The following CDC42BPA variants were observed in gnomAD, a reference collection of about 807,000 sequenced individuals.
The protein encoded by CDC42BPA is serine/threonine-protein kinase MRCK alpha.
Under a neutral mutation model 223.5 loss-of-function variants are expected in CDC42BPA, and 80 were observed. The observed-to-expected ratio is 0.36, with a 90% confidence interval of 0.30 to 0.43. CDC42BPA has a LOEUF of 0.43. Ranked by LOEUF, CDC42BPA falls within the 20% of genes least tolerant of loss-of-function variation. The pLI is 1.00. For missense variants in CDC42BPA, 1,743 were observed against 2,099.9 expected, an observed-to-expected ratio of 0.83 and a Z score of 3.32; for synonymous variants, 694 against 718.6, an observed-to-expected ratio of 0.97 and a Z score of 0.55.
intron 24 of CDC42BPA, among the ~76,000 whole-genome samples, chr1:227,036,421 C>CTTTTTTTTTTTTTTTTTTTTTTTTTTT (rs56254464): frequency 1.4e-5 from 1 of 71,130 alleles, no homozygotes; most frequent in Non-Finnish European, 2.6e-5. Context: ...CTTCAATTCA[C>CTTTTTTTTTTTTTTTTTTTTTTTTTTT]TTTTTTTTTT....
intron 35 of CDC42BPA, among the ~76,000 whole-genome samples, chr1:226,999,427 C>G (rs1210567747): frequency 6.6e-6 from 1 of 152,156 alleles, no homozygotes; most frequent in Non-Finnish European, 1.5e-5. Flanking sequence ...CCACCCACCT[C>G]AGCCTCCCAA....
At chr1:227,279,448 A>G (rs150214765) in intron 1 of CDC42BPA, among the ~76,000 whole-genome samples, 2,749 of 152,190 alleles carry the variant, frequency 0.018, 40 homozygotes, top group Non-Finnish European at 0.026. Context: ...TTTATATCCT[A>G]AAGTTAAAAT....
intron 9 of CDC42BPA, among the ~76,000 whole-genome samples, chr1:227,141,533 A>G (rs1659665731): frequency 6.6e-6 from 1 of 152,178 alleles, no homozygotes. Flanking sequence ...TCTAACAGTA[A>G]GTAGGCGGTA....
intron 3 of CDC42BPA, among the ~76,000 whole-genome samples, chr1:227,209,950 A>G (rs1164438572): frequency 1.3e-5 from 2 of 149,508 alleles, no homozygotes; most frequent in Admixed American, 1.3e-4. Context: ...TCCTCCTTGT[A>G]CCTCTGGTAG....
intron 24 of CDC42BPA, among the ~76,000 whole-genome samples, chr1:227,037,733 A>G (rs895577907): frequency 2.6e-5 from 4 of 152,228 alleles, no homozygotes; most frequent in East Asian, 1.9e-4. Flanking sequence ...TCTTTTTCAT[A>G]AGATACATCA....
At chr1:227,068,779 T>C in intron 21 of CDC42BPA, 2 of 427,024 alleles carry the variant, frequency 4.7e-6, no homozygotes, top group South Asian at 3.3e-5. Context: ...TCAAAAACTT[T>C]GTAAAACAAT....
chr1:227,007,684 ACT>A (rs1664364025), intron 34 of CDC42BPA, among the ~76,000 whole-genome samples: 1 of 152,162 alleles, frequency 6.6e-6, no homozygotes, highest in Non-Finnish European at 1.5e-5. Context: ...AGAAAATATT[ACT>A]CTTTCTTCTA....
chr1:227,271,641 C>T (rs1055346885), intron 1 of CDC42BPA, among the ~76,000 whole-genome samples: 2 of 152,082 alleles, frequency 1.3e-5, no homozygotes, highest in African/African-American at 4.8e-5. Context: ...ACTGAATATA[C>T]TTGTATCTCT....
At chr1:227,081,349 T>C (rs889054970) in intron 16 of CDC42BPA, among the ~76,000 whole-genome samples, 4 of 152,088 alleles carry the variant, frequency 2.6e-5, no homozygotes, top group Admixed American at 6.6e-5. Flanking sequence ...TTCAAGCATA[T>C]ACAGAAAAGG....
chr1:227,249,869 G>A (rs1315817331), intron 2 of CDC42BPA, among the ~76,000 whole-genome samples: 4 of 151,868 alleles, frequency 2.6e-5, no homozygotes, highest in South Asian at 2.1e-4. Context: ...ACAGAATGAC[G>A]AAGACCTAGT....
chr1:227,197,847 C>A (rs1671005295), intron 4 of CDC42BPA, among the ~76,000 whole-genome samples: 1 of 152,020 alleles, frequency 6.6e-6, no homozygotes, highest in Non-Finnish European at 1.5e-5. Context: ...TTAATTTGTT[C>A]TTACAAATGT....
intron 14 of CDC42BPA, among the ~76,000 whole-genome samples, chr1:227,111,668 A>G (rs1303186561): frequency 6.6e-6 from 1 of 152,046 alleles, no homozygotes; most frequent in Non-Finnish European, 1.5e-5. Context: ...TTTTTAGTAG[A>G]GATGGGGTTT....
rs1390368909 is a variant in CDC42BPA at position 227,089,027 on chromosome 1, G to A, written c.2355+2859C>T. Among the ~76,000 whole-genome samples the A allele has an allele frequency of 4.6e-5, 7 of 151,910 alleles. No homozygotes were observed. The South Asian group carries it at 8.3e-4, about 18-fold the overall frequency. On this transcript the variant is annotated intron_variant, in intron 16 of 36. Coordinates refer to ENST00000366766, the MANE Select transcript of CDC42BPA (RefSeq NM_001394014.1). ...AGGTGTGAGCCACTGTGCCCAGCTG[G>A]CAATGAATTATCTTTTAATAGAAGG...
intron 2 of CDC42BPA, among the ~76,000 whole-genome samples, chr1:227,252,408 C>T (rs1219945964): frequency 6.6e-6 from 1 of 152,094 alleles, no homozygotes; most frequent in Non-Finnish European, 1.5e-5. Context: ...AAAACTTTTT[C>T]ACTAGCAACC....
chr1:227,025,985 T>A, intron 31 of CDC42BPA, 70 bp downstream of exon 31: 1 of 790,020 alleles, frequency 1.3e-6, no homozygotes. Context: ...AAAAAAAAAA[T>A]TACTATGTAG....
At chr1:227,126,990 G>C (rs1449136022) in intron 11 of CDC42BPA, among the ~76,000 whole-genome samples, 2 of 152,096 alleles carry the variant, frequency 1.3e-5, no homozygotes, top group Non-Finnish European at 2.9e-5. Context: ...CCACCTGCAG[G>C]TGACATGATT....
chr1:227,004,844 G>A, intron 35 of CDC42BPA, 150 bp downstream of exon 35: 1 of 763,788 alleles, frequency 1.3e-6, no homozygotes, highest in Non-Finnish European at 2.4e-6. Flanking sequence ...GTGCCTATTA[G>A]GCATTACCCA....
At chr1:227,092,256 G>A (rs1480059333) in intron 15 of CDC42BPA, among the ~76,000 whole-genome samples, 1 of 152,170 alleles carries the variant, frequency 6.6e-6, no homozygotes, top group Admixed American at 6.5e-5. Flanking sequence ...ATTGTTGCAG[G>A]TCTTGACAGC....
chr1:227,044,935 AG>A (rs1672123321), intron 23 of CDC42BPA, among the ~76,000 whole-genome samples: 1 of 152,172 alleles, frequency 6.6e-6, no homozygotes, highest in Non-Finnish European at 1.5e-5. Context: ...GACTCTTCTA[AG>A]GAACTGTAAA....
Sources: allele counts gnomAD v4.1 joint callset (sites outside exome capture counted in the v4.1 genomes callset), GRCh38; gene constraint gnomAD v4.1.1; transcripts MANE v1.5; gene names NCBI Gene and HGNC (gene_info 2026-07-23, HGNC 2026-07-21).